TENM2: variants seen among roughly 807,000 people sequenced by gnomAD.
TENM2 encodes the protein teneurin-2.
In TENM2, 52 loss-of-function variants were observed where a neutral mutation model predicts 245.2. The ratio of observed to expected loss-of-function variants is 0.21; its 90% confidence interval spans 0.17 to 0.27. The LOEUF (loss-of-function observed/expected upper bound fraction) is 0.27. Ranked by LOEUF, TENM2 falls within the 10% of genes least tolerant of loss-of-function variation. The probability of loss-of-function intolerance (pLI) is 1.00; values close to 1 mark genes in which losing one functional copy is unlikely to be tolerated. For missense variants in TENM2, 3,046 were observed against 3,666.8 expected (o/e 0.83, Z 4.37); for synonymous variants, 1,363 against 1,438.9 (o/e 0.95, Z 1.19).
chr5:167,446,791 A>G (rs866215499), intron 2 of TENM2, among the ~76,000 whole-genome samples: 16 of 86,986 alleles, frequency 1.8e-4, no homozygotes, highest in African/African-American at 3.8e-4. Context: ...TTTTTGAAAC[A>G]CGCACACACA....
At chr5:168,180,339 G>A (rs1034430727) in intron 13 of TENM2, among the ~76,000 whole-genome samples, 1 of 152,212 alleles carries the variant, frequency 6.6e-6, no homozygotes, top group Non-Finnish European at 1.5e-5. Context: ...ATATATCAAA[G>A]CCTCCAGGAA....
chr5:168,162,588 A>C, intron 12 of TENM2, 23 bp from the exon 15 acceptor site: 2 of 1,611,062 alleles, frequency 1.2e-6, no homozygotes, highest in African/African-American at 1.3e-5. Flanking sequence ...CCTCCTTCTC[A>C]TCCTCTCCAT....
chr5:167,541,186 G>A (rs911800394), intron 2 of TENM2, among the ~76,000 whole-genome samples: 1 of 152,136 alleles, frequency 6.6e-6, no homozygotes, highest in Non-Finnish European at 1.5e-5. Context: ...AAAACCTGAA[G>A]AAAGTAGCTA....
chr5:167,350,411 ATATG>A (rs201320055), intron 1 of TENM2, among the ~76,000 whole-genome samples: 1,279 of 88,438 alleles, frequency 0.014, 26 homozygotes, highest in East Asian at 0.14. Context: ...ATATACATAT[ATATG>A]TGTGTGTGTG....
chr5:167,285,546 T>C (rs1181825782), intron 1 of TENM2, among the ~76,000 whole-genome samples: 3 of 152,228 alleles, frequency 2.0e-5, no homozygotes, highest in Admixed American at 1.3e-4. Context: ...TTAATTTTCC[T>C]TTCCTTATAC....
At chr5:167,741,516 C>T (rs1761174012) in intron 2 of TENM2, among the ~76,000 whole-genome samples, 1 of 152,172 alleles carries the variant, frequency 6.6e-6, no homozygotes, top group Non-Finnish European at 1.5e-5. Context: ...GCAAGTCTGC[C>T]TTGGCTTCAC....
chr5:167,285,356 G>A (rs1771274533), intron 1 of TENM2, among the ~76,000 whole-genome samples: 1 of 152,110 alleles, frequency 6.6e-6, no homozygotes, highest in Non-Finnish European at 1.5e-5. Context: ...AACAAATGGT[G>A]TATCTTGGTT....
intron 2 of TENM2, among the ~76,000 whole-genome samples, chr5:167,609,519 C>CAAAAAAAAAAAAAAT (rs1171421408): frequency 2.1e-4 from 27 of 128,972 alleles, no homozygotes; most frequent in East Asian, 1.1e-3. Flanking sequence ...AAAACAAAAC[C>CAAAAAAAAAAAAAAT]TTACCTAGAA....
chr5:168,033,356 GC>G (rs143525827), intron 5 of TENM2, among the ~76,000 whole-genome samples: 1,559 of 152,212 alleles, frequency 0.01, 22 homozygotes, highest in Non-Finnish European at 0.016. Flanking sequence ...CCTGGCTCTG[GC>G]TTTTAGTAGC....
At chr5:167,747,326 TA>T (rs1761661181) in intron 2 of TENM2, among the ~76,000 whole-genome samples, 1 of 152,158 alleles carries the variant, frequency 6.6e-6, no homozygotes, top group Non-Finnish European at 1.5e-5. Flanking sequence ...TGGGTCTTCT[TA>T]AAATATTCTG....
the TENM2 span, among the ~76,000 whole-genome samples, chr5:167,025,270 C>A: frequency 2.0e-5 from 3 of 152,146 alleles, no homozygotes; most frequent in South Asian, 6.2e-4. Flanking sequence ...ATTTTACATT[C>A]TTTTTTCATA....
At chr5:168,171,729 T>C (rs1449113042) in intron 13 of TENM2, among the ~76,000 whole-genome samples, 1 of 152,200 alleles carries the variant, frequency 6.6e-6, no homozygotes, top group Non-Finnish European at 1.5e-5. Context: ...AAATCAAATA[T>C]CCATTATGAA....
At chr5:167,008,635 G>A in the TENM2 span, among the ~76,000 whole-genome samples, 1 of 152,202 alleles carries the variant, frequency 6.6e-6, no homozygotes, top group East Asian at 1.9e-4. Flanking sequence ...TCTATCATGT[G>A]GGTTGCCTGC....
the TENM2 span, among the ~76,000 whole-genome samples, chr5:167,029,091 C>G: frequency 6.6e-6 from 1 of 152,134 alleles, no homozygotes; most frequent in African/African-American, 2.4e-5. Flanking sequence ...AGTTAAACAA[C>G]ACTGTACTTA....
intron 2 of TENM2, among the ~76,000 whole-genome samples, chr5:167,536,626 T>C (rs1771870941): frequency 6.6e-6 from 1 of 152,170 alleles, no homozygotes; most frequent in South Asian, 2.1e-4. Context: ...CCTATGATTT[T>C]AGCATGGAGC....
At chr5:167,731,834 AC>A (rs1410918811) in intron 2 of TENM2, among the ~76,000 whole-genome samples, 3 of 151,446 alleles carry the variant, frequency 2.0e-5, no homozygotes. Flanking sequence ...TTACCTTGTC[AC>A]AATGCCTGGC....
At chr5:167,381,386 C>T (rs1269306027) in intron 2 of TENM2, among the ~76,000 whole-genome samples, 1 of 152,088 alleles carries the variant, frequency 6.6e-6, no homozygotes, top group African/African-American at 2.4e-5. Context: ...GGCTAAGTGG[C>T]TTATGGGATA....
At chr5:167,561,290 G>A (rs1773570616) in intron 2 of TENM2, among the ~76,000 whole-genome samples, 1 of 152,178 alleles carries the variant, frequency 6.6e-6, no homozygotes, top group Non-Finnish European at 1.5e-5. Context: ...ATCAAAGAGA[G>A]CTAGGTTCTT....
At chr5:168,092,470 A>G (rs1242749429) in intron 8 of TENM2, among the ~76,000 whole-genome samples, 1 of 152,202 alleles carries the variant, frequency 6.6e-6, no homozygotes, top group Non-Finnish European at 1.5e-5. Context: ...CATATGGCCC[A>G]CAAAGCCTAA....
Sources: allele counts gnomAD v4.1 joint callset (sites outside exome capture counted in the v4.1 genomes callset), GRCh38; gene constraint gnomAD v4.1.1; transcripts MANE v1.5; gene names NCBI Gene and HGNC (gene_info 2026-07-23, HGNC 2026-07-21).